Variants in NPRL3 observed in about 807,000 individuals in gnomAD.
The protein encoded by NPRL3 is GATOR1 complex protein NPRL3.
Under a neutral mutation model 57.2 loss-of-function variants are expected in NPRL3, and 23 were observed. The observed-to-expected ratio is 0.40, with a 90% CI of 0.29 to 0.57. The LOEUF (loss-of-function observed/expected upper bound fraction) is 0.57. Ranked by LOEUF, NPRL3 falls within the 20% of genes least tolerant of loss-of-function variation. NPRL3 has a pLI of 0.42. For synonymous variants in NPRL3, 333 were observed against 321.1 expected (o/e 1.04, Z -0.39); for missense variants, 691 against 767.1 (o/e 0.90, Z 1.17).
chr16:118,867 C>T (rs1900157688), intron 4 of NPRL3, among the ~76,000 whole-genome samples: 1 of 151,752 alleles, frequency 6.6e-6, no homozygotes, highest in South Asian at 2.1e-4. Context: ...ACAGACGCAT[C>T]TGCCCAGGGG....
intron 2 of NPRL3, among the ~76,000 whole-genome samples, chr16:132,686 T>C (rs1214947575): frequency 6.0e-5 from 9 of 150,658 alleles, no homozygotes; most frequent in South Asian, 2.1e-4. Context: ...TTTTTTTTTT[T>C]TGAGACGGAG....
intron 2 of NPRL3, among the ~76,000 whole-genome samples, chr16:131,597 C>CAAAAAAAAAAAA (rs59373757): frequency 2.9e-5 from 2 of 69,708 alleles, no homozygotes; most frequent in Non-Finnish European, 2.8e-5. Context: ...GACTCAGTCT[C>CAAAAAAAAAAAA]AAAAAAAAAA....
At chr16:92,563 C>T in intron 11 of NPRL3, 33 bp downstream of exon 11, 1 of 1,608,062 alleles carries the variant, frequency 6.2e-7, no homozygotes. Flanking sequence ...TACACACCTG[C>T]CACTCTGGGC....
intron 2 of NPRL3, among the ~76,000 whole-genome samples, chr16:134,826 C>T (rs1213463762): frequency 6.7e-6 from 1 of 150,340 alleles, no homozygotes; most frequent in Non-Finnish European, 1.5e-5. Context: ...CTCAGCCTCC[C>T]GAGTAGCTGG....
rs775513193 is a variant in NPRL3 at position 112,605 on chromosome 16, C to T, written c.547+17G>A. 16 of 1,534,062 alleles carry T rather than the reference C, an allele frequency of 1.0e-5. No individual in the cohort carries two copies. The highest frequency in any genetic ancestry group is 1.7e-4 in the Middle Eastern group (1 of 5,826). ...AGCCAGCCCAGACCCATGCCCATCA[C>T]GCCCTGCTGCACTCACCATCAGCCA... On this transcript the variant is annotated intron_variant, in intron 6 of 13. Transcript: ENST00000611875.
At chr16:134,540 C>T (rs1900962954) in intron 2 of NPRL3, among the ~76,000 whole-genome samples, 2 of 152,102 alleles carry the variant, frequency 1.3e-5, no homozygotes, top group African/African-American at 4.8e-5. Flanking sequence ...AAGCTACCTA[C>T]ACCAAGAGCT....
At chr16:89,939 C>A (rs1410054490) in intron 11 of NPRL3, 37 bp from the exon 12 acceptor site, 6 of 1,524,084 alleles carry the variant, frequency 3.9e-6, no homozygotes, top group East Asian at 5.1e-5. Flanking sequence ...TCCCCCTCCC[C>A]ACTCCAACTT....
intron 4 of NPRL3, among the ~76,000 whole-genome samples, chr16:118,313 C>T (rs1398670521): frequency 1.3e-5 from 2 of 152,198 alleles, no homozygotes; most frequent in East Asian, 1.9e-4. Context: ...TACAAGTTCC[C>T]TTCATCCTGC....
rs1362884397 is a variant in NPRL3, at chr16:98,133, C to T, written c.924+12G>A. ...CGCCACATGCCACCCATCTGGGCCTCCAGAGCTATACCTGCAGCAAGGCCA... is the reference window on the plus strand; with the variant it reads ...CGCCACATGCCACCCATCTGGGCCTTCAGAGCTATACCTGCAGCAAGGCCA... On this transcript the variant is annotated intron_variant, in intron 9 of 13. Coordinates refer to ENST00000611875, the MANE Select transcript of NPRL3 (RefSeq NM_001077350.3). 6.2e-7 allele frequency: 1 copy of T among 1,611,956 alleles called. No individual in the cohort carries two copies. Among genetic ancestry groups the T allele is most frequent in the Admixed American group, 1.7e-5 (1 of 59,896 alleles).
intron 4 of NPRL3, among the ~76,000 whole-genome samples, chr16:118,640 C>T (rs1336347999): frequency 6.6e-6 from 1 of 152,204 alleles, no homozygotes. Flanking sequence ...GCAAGAACAC[C>T]TGTCTCTTTT....
In NPRL3 at chr16:107,021, T is replaced by C. The variant is rs189010863; in HGVS notation, c.629+3504A>G. Among the ~76,000 whole-genome samples, 392 of 152,262 alleles carry C rather than the reference T, an allele frequency of 2.6e-3. 1 individual carries two copies. Among genetic ancestry groups the C allele is most frequent in the Middle Eastern group, 6.8e-3 (2 of 294 alleles). On this transcript the variant is annotated intron_variant, in intron 7 of 13. Coordinates refer to ENST00000611875, the MANE Select transcript of NPRL3 (RefSeq NM_001077350.3). ...TGCCTGGACTCCTGCCAGAGAAACA[T>C]AGCTGCCAGCATCCCTGGGGCAAGC...
At chr16:136,824 TTTC>T (rs759118286) in intron 2 of NPRL3, among the ~76,000 whole-genome samples, 15 of 152,046 alleles carry the variant, frequency 9.9e-5, no homozygotes, top group African/African-American at 1.4e-4. Context: ...AGGAAAGAAC[TTTC>T]TTTTCATAAT....
intron 9 of NPRL3, among the ~76,000 whole-genome samples, chr16:97,236 C>A (rs1048481519): frequency 6.6e-6 from 1 of 152,054 alleles, no homozygotes; most frequent in Non-Finnish European, 1.5e-5. Context: ...TCAGCAGCCC[C>A]TGCTTCTGAT....
In NPRL3 at chr16:88,682, G is replaced by A; in HGVS notation, c.1544+16C>T. 1.3e-6 allele frequency: 2 copies of A among 1,598,688 alleles called. No homozygotes were observed. The highest frequency in any genetic ancestry group is 1.7e-6 in the Non-Finnish European group (2 of 1,168,610). ...CTGCAACTGGCCCCAGTCCCAACGG[G>A]TCAACCTACACCCACCTGGCAAACA... On this transcript the variant is annotated intron_variant, in intron 13 of 13. Coordinates refer to ENST00000611875, the MANE Select transcript of NPRL3 (RefSeq NM_001077350.3).
At chr16:107,609 AAAAG>A (rs1281150344) in intron 7 of NPRL3, among the ~76,000 whole-genome samples, 12 of 150,212 alleles carry the variant, frequency 8.0e-5, no homozygotes, top group South Asian at 4.2e-4. Context: ...AAAAAAAAAA[AAAAG>A]AAGAAGAAAA....
chr16:86,903 G>C (rs768103844), intron 13 of NPRL3, 33 bp from the exon 14 acceptor site: 11 of 1,597,300 alleles, frequency 6.9e-6, no homozygotes, highest in Non-Finnish European at 9.4e-6. Flanking sequence ...AGCCCAACCT[G>C]ACACCAGCCC....
At chr16:138,055 C>T in intron 2 of NPRL3, 95 bp downstream of exon 2, 1 of 878,158 alleles carries the variant, frequency 1.1e-6, no homozygotes, top group East Asian at 2.7e-5. Context: ...GAATGCCCAG[C>T]AAAAGCTAAG....
chr16:88,447 A>G (rs1898598417), intron 13 of NPRL3, among the ~76,000 whole-genome samples: 1 of 151,710 alleles, frequency 6.6e-6, no homozygotes. Context: ...GGAACATCTA[A>G]GAAGTACTGG....
chr16:113,823 G>A (rs991622210), intron 5 of NPRL3, among the ~76,000 whole-genome samples: 1 of 152,182 alleles, frequency 6.6e-6, no homozygotes, highest in South Asian at 2.1e-4. Flanking sequence ...CAGTAAATAC[G>A]TTCTTCATCT....
Sources: gnomAD v4.1 joint callset for allele counts (sites outside exome capture counted in the v4.1 genomes callset) on GRCh38, gnomAD v4.1.1 for gene constraint, MANE v1.5 for transcripts, NCBI Gene and HGNC (gene_info 2026-07-23, HGNC 2026-07-21) for gene names.